PDZRN3: variants seen among roughly 807,000 people sequenced by gnomAD.
The protein encoded by PDZRN3 is PDZ domain containing ring finger 3, also known as E3 ubiquitin-protein ligase PDZRN3.
A neutral mutation model predicts 85.7 loss-of-function variants in PDZRN3; 38 were observed. The ratio of observed to expected loss-of-function variants is 0.44; its 90% CI spans 0.34 to 0.58. The LOEUF is 0.58. PDZRN3 is among the 20% of genes least tolerant of loss of function. PDZRN3 has a pLI of 0.01. For missense variants in PDZRN3, 1,629 were observed against 1,506.4 expected (o/e 1.08, Z -1.35); for synonymous variants, 759 against 638.0 (o/e 1.19, Z -2.86).
intron 3 of PDZRN3, among the ~76,000 whole-genome samples, chr3:73,439,057 GTGCCTCCTTA>G (rs1450674219): frequency 6.6e-6 from 1 of 152,030 alleles, no homozygotes; most frequent in African/African-American, 2.4e-5. Flanking sequence ...ACTTTCCCAG[GTGCCTCCTTA>G]TGGCACGATT....
intron 3 of PDZRN3, among the ~76,000 whole-genome samples, chr3:73,483,786 A>G (rs940237266): frequency 3.3e-5 from 5 of 152,142 alleles, no homozygotes; most frequent in Admixed American, 2.6e-4. Flanking sequence ...TGTATTTGGG[A>G]GGCAGTCTGG....
At chr3:73,424,620 G>A (rs548521621) in intron 3 of PDZRN3, among the ~76,000 whole-genome samples, 11 of 151,862 alleles carry the variant, frequency 7.2e-5, no homozygotes, top group Non-Finnish European at 1.2e-4. Context: ...TACATCAGAG[G>A]GGTTGGTATC....
At chr3:73,423,052 A>T (rs1702234632) in intron 3 of PDZRN3, among the ~76,000 whole-genome samples, 1 of 152,246 alleles carries the variant, frequency 6.6e-6, no homozygotes, top group Non-Finnish European at 1.5e-5. Context: ...ATTACAAGTT[A>T]TTCCTGCCAG....
At chr3:73,509,789 A>G (rs1010384901) in intron 3 of PDZRN3, among the ~76,000 whole-genome samples, 5 of 152,152 alleles carry the variant, frequency 3.3e-5, no homozygotes, top group African/African-American at 1.2e-4. Flanking sequence ...CTGAGTAAAT[A>G]CCAAACAGAC....
chr3:73,606,436 CTCCCTCAG>C (rs1276765142), intron 2 of PDZRN3, among the ~76,000 whole-genome samples: 1 of 152,186 alleles, frequency 6.6e-6, no homozygotes, highest in East Asian at 1.9e-4. Context: ...GTGCAGTTTG[CTCCCTCAG>C]TCCCTCCGAA....
chr3:73,415,446 A>T (rs1441822143), intron 3 of PDZRN3, among the ~76,000 whole-genome samples: 1 of 152,108 alleles, frequency 6.6e-6, no homozygotes, highest in Non-Finnish European at 1.5e-5. Context: ...TTTAAAAAAT[A>T]TTTTTATTTT....
chr3:73,416,876 G>GTTTTTTTTTTTTTTTT (rs146381615), intron 3 of PDZRN3, among the ~76,000 whole-genome samples: 57 of 110,378 alleles, frequency 5.2e-4, no homozygotes, highest in South Asian at 9.4e-4. Flanking sequence ...TTTTTTTTTG[G>GTTTTTTTTTTTTTTTT]TTTTTTTTTT....
chr3:73,507,002 A>G (rs948916465), intron 3 of PDZRN3, among the ~76,000 whole-genome samples: 8 of 152,222 alleles, frequency 5.3e-5, no homozygotes, highest in Non-Finnish European at 1.2e-4. Context: ...CAGCCAGCAC[A>G]GGCATAGGTT....
intron 3 of PDZRN3, among the ~76,000 whole-genome samples, chr3:73,470,702 T>G (rs1703319705): frequency 6.6e-6 from 1 of 152,060 alleles, no homozygotes; most frequent in Non-Finnish European, 1.5e-5. Flanking sequence ...ACAGGTGGAG[T>G]GAAATCTGTC....
At chr3:73,520,991 T>A (rs1704350772) in intron 3 of PDZRN3, among the ~76,000 whole-genome samples, 1 of 152,154 alleles carries the variant, frequency 6.6e-6, no homozygotes, top group African/African-American at 2.4e-5. Flanking sequence ...AGTGAAGGAA[T>A]GTGTTGCACA....
In PDZRN3 at chr3:73,624,519, C is replaced by G. The variant is rs1173194200; in HGVS notation, c.307G>C (p.Glu103Gln). 4 of 1,463,260 alleles carry G rather than the reference C, an allele frequency of 2.7e-6. No homozygotes were observed. Among genetic ancestry groups the G allele is most frequent in the Non-Finnish European group, 3.6e-6 (4 of 1,113,924 alleles). 90.6% of individuals were successfully genotyped at this position (1,463,260 alleles called of 1,614,324 possible). Residue 103 changes from glutamate (E) to glutamine (Q), a missense_variant, in exon 1 of 10, where the codon GAG becomes CAG. Transcript: ENST00000263666. ...CGCGCGGGCGCGAAGTCGCAGCGCT[C>G]GAGGTGCTCCGGCAGCTGCTGCAGC... Reference protein sequence around the residue: ...VKLQQLPEHLERCDFAPARCR... With the variant: ...VKLQQLPEHLQRCDFAPARCR...
At chr3:73,547,498 C>A (rs1701452487) in intron 3 of PDZRN3, among the ~76,000 whole-genome samples, 1 of 152,230 alleles carries the variant, frequency 6.6e-6, no homozygotes, top group Admixed American at 6.5e-5. Flanking sequence ...CAGTGGCCTG[C>A]AAGCGGGTAG....
At chr3:73,535,955 T>C (rs949192407) in intron 3 of PDZRN3, among the ~76,000 whole-genome samples, 9 of 152,244 alleles carry the variant, frequency 5.9e-5, no homozygotes, top group Admixed American at 5.2e-4. Flanking sequence ...TCTGTAATTA[T>C]ATATTATGTA....
At chr3:73,564,865 C>G (rs1701908884) in intron 3 of PDZRN3, among the ~76,000 whole-genome samples, 1 of 152,180 alleles carries the variant, frequency 6.6e-6, no homozygotes, top group Admixed American at 6.5e-5. Flanking sequence ...TGTGTTACAG[C>G]TAATAGGTGT....
At chr3:73,498,713 T>C (rs921876865) in intron 3 of PDZRN3, among the ~76,000 whole-genome samples, 3 of 151,896 alleles carry the variant, frequency 2.0e-5, no homozygotes, top group Non-Finnish European at 4.4e-5. Context: ...GCCTCCTGAG[T>C]AGCTGAGATT....
rs377348961 is a variant in PDZRN3, at chr3:73,437,801, T to G, written c.919-33406A>C. On this transcript the variant is annotated intron_variant, in intron 3 of 9. Coordinates refer to ENST00000263666, the MANE Select transcript of PDZRN3 (RefSeq NM_015009.3). ...GGTGTTTTATTTTCAAAATGTTGCTTTCCTATAGTAAGGAACACACAATTG... is the reference window on the plus strand; with the variant it reads ...GGTGTTTTATTTTCAAAATGTTGCTGTCCTATAGTAAGGAACACACAATTG... Among the ~76,000 whole-genome samples, 15 of 152,306 alleles carry G rather than the reference T, an allele frequency of 9.8e-5. No homozygotes were observed. In the East Asian group the frequency reaches 2.9e-3, roughly 29 times the overall value.
At chr3:73,548,195 C>T (rs1214493689) in intron 3 of PDZRN3, among the ~76,000 whole-genome samples, 1 of 152,174 alleles carries the variant, frequency 6.6e-6, no homozygotes, top group South Asian at 2.1e-4. Flanking sequence ...ACCTTAGGTG[C>T]TACGTAGAGA....
intron 3 of PDZRN3, among the ~76,000 whole-genome samples, chr3:73,572,132 A>G (rs1702054307): frequency 6.6e-6 from 1 of 152,194 alleles, no homozygotes; most frequent in Non-Finnish European, 1.5e-5. Flanking sequence ...CAGGTGTCCA[A>G]AGTCATTCTT....
chr3:73,538,691 G>C (rs985986776), intron 3 of PDZRN3, among the ~76,000 whole-genome samples: 9 of 152,084 alleles, frequency 5.9e-5, no homozygotes, highest in African/African-American at 2.2e-4. Flanking sequence ...TAAGAGTTTT[G>C]CAAGCCTTGT....
Sources: allele counts gnomAD v4.1 joint callset (sites outside exome capture counted in the v4.1 genomes callset), GRCh38; gene constraint gnomAD v4.1.1; transcripts MANE v1.5; gene names NCBI Gene and HGNC (gene_info 2026-07-23, HGNC 2026-07-21).